The following BCKDHB variants were observed in gnomAD, a reference collection of about 807,000 sequenced individuals.
BCKDHB encodes the protein branched chain keto acid dehydrogenase E1 subunit beta, also known as 2-oxoisovalerate dehydrogenase subunit beta, mitochondrial.
In BCKDHB, 41 loss-of-function variants were observed where a neutral mutation model predicts 48.5. That is an observed-to-expected ratio of 0.85 (90% CI 0.66 to 1.10). BCKDHB has a LOEUF of 1.10. BCKDHB is among the 50% of genes least tolerant of loss of function. BCKDHB has a pLI of 0.00. For synonymous variants in BCKDHB, 201 were observed against 174.8 expected, an observed-to-expected ratio of 1.15 and a Z score of -1.18; for missense variants, 496 against 494.2, an observed-to-expected ratio of 1.00 and a Z score of -0.03.
intron 6 of BCKDHB, among the ~76,000 whole-genome samples, chr6:80,180,586 CTTGTA>C (rs1376456870): frequency 6.6e-6 from 1 of 152,062 alleles, no homozygotes; most frequent in Non-Finnish European, 1.5e-5. Flanking sequence ...GACTAAAATC[CTTGTA>C]TTGTTTGTCT....
At chr6:80,390,375 G>A in the BCKDHB span, among the ~76,000 whole-genome samples, 1 of 152,156 alleles carries the variant, frequency 6.6e-6, no homozygotes, top group Non-Finnish European at 1.5e-5. Context: ...AGGGAATACA[G>A]AATGGGTAGT....
chr6:80,282,691 A>G (rs1490525636), intron 9 of BCKDHB, among the ~76,000 whole-genome samples: 1 of 152,084 alleles, frequency 6.6e-6, no homozygotes, highest in Non-Finnish European at 1.5e-5. Context: ...AAAAGAAAAA[A>G]GAAAAAAACT....
In BCKDHB at chr6:80,106,896, C is replaced by A. The variant is rs753090498; in HGVS notation, c.196+7C>A. On this transcript the variant is annotated splice_region_variant and intron_variant, in intron 1 of 9. Coordinates refer to ENST00000320393, the MANE Select transcript of BCKDHB (RefSeq NM_183050.4). ...CCGGAGCCCCGGGAGTACGGTGAGC[C>A]CTGGGACTGCCCACTCGGTCCCGCT... is the stretch of plus-strand genomic sequence containing the variant. The A allele has an allele frequency of 1.9e-6, 3 of 1,599,716 alleles. No individual in the cohort carries two copies. Among genetic ancestry groups the A allele is most frequent in the Non-Finnish European group, 2.6e-6 (3 of 1,174,126 alleles).
At chr6:80,196,190 T>A (rs1774120733) in intron 6 of BCKDHB, among the ~76,000 whole-genome samples, 1 of 152,184 alleles carries the variant, frequency 6.6e-6, no homozygotes, top group Non-Finnish European at 1.5e-5. Context: ...AAGTGCTATC[T>A]AGGGACTTAG....
chr6:80,144,012 A>G (rs1771346748), intron 3 of BCKDHB, among the ~76,000 whole-genome samples: 3 of 152,156 alleles, frequency 2.0e-5, no homozygotes, highest in Admixed American at 2.0e-4. Context: ...GCCAAAAGGA[A>G]ACACACAAAC....
chr6:80,398,469 AAAC>A, the BCKDHB span, among the ~76,000 whole-genome samples: 1 of 152,020 alleles, frequency 6.6e-6, no homozygotes, highest in African/African-American at 2.4e-5. Context: ...ACAAACCAGA[AAAC>A]AAGAAGATAT....
intron 6 of BCKDHB, among the ~76,000 whole-genome samples, chr6:80,194,137 G>T (rs985657786): frequency 6.6e-6 from 1 of 152,076 alleles, no homozygotes; most frequent in African/African-American, 2.4e-5. Context: ...TTCTAATTTG[G>T]TATACTTTCT....
chr6:80,211,655 C>A (rs1039893482), intron 8 of BCKDHB, among the ~76,000 whole-genome samples: 3 of 152,182 alleles, frequency 2.0e-5, no homozygotes, highest in Non-Finnish European at 2.9e-5. Flanking sequence ...ACCCATCCAC[C>A]CTTTAGAAAA....
the BCKDHB span, among the ~76,000 whole-genome samples, chr6:80,455,997 G>A: frequency 1.4e-4 from 22 of 152,146 alleles, no homozygotes; most frequent in South Asian, 4.6e-3. Flanking sequence ...GGCTGAGGTG[G>A]GTGGATCAGG....
chr6:80,245,736 G>C (rs1475809059), intron 8 of BCKDHB, among the ~76,000 whole-genome samples: 1 of 152,106 alleles, frequency 6.6e-6, no homozygotes, highest in Admixed American at 6.6e-5. Context: ...TCTACTCTCT[G>C]TCAATTTGAA....
chr6:80,115,917 T>TATG (rs34242329), intron 1 of BCKDHB, among the ~76,000 whole-genome samples: 93,927 of 151,638 alleles, frequency 0.62, 29,332 homozygotes, highest in South Asian at 0.77. Context: ...TTCTAAGGAA[T>TATG]ATGAGGATGT....
At chr6:80,370,241 C>A in the BCKDHB span, among the ~76,000 whole-genome samples, 1 of 152,108 alleles carries the variant, frequency 6.6e-6, no homozygotes, top group Non-Finnish European at 1.5e-5. Context: ...AAGACCAGAT[C>A]TCTATGTGGA....
At chr6:80,456,922 G>A in the BCKDHB span, among the ~76,000 whole-genome samples, 4 of 152,134 alleles carry the variant, frequency 2.6e-5, no homozygotes, top group Non-Finnish European at 4.4e-5. Flanking sequence ...GAAAATATGA[G>A]TTCATTATGC....
At chr6:80,260,214 T>G (rs1582458363) in intron 8 of BCKDHB, among the ~76,000 whole-genome samples, 4 of 151,310 alleles carry the variant, frequency 2.6e-5, no homozygotes, top group African/African-American at 9.7e-5. Flanking sequence ...TAATGGTGGG[T>G]GTGTGTGTGT....
At chr6:80,246,067 C>A (rs1231838914) in intron 8 of BCKDHB, among the ~76,000 whole-genome samples, 3 of 152,076 alleles carry the variant, frequency 2.0e-5, no homozygotes, top group African/African-American at 7.2e-5. Flanking sequence ...CAGAGTGAGA[C>A]CCTATCTCAC....
intron 6 of BCKDHB, among the ~76,000 whole-genome samples, chr6:80,197,997 T>C (rs1373747185): frequency 3.9e-5 from 6 of 152,120 alleles, no homozygotes; most frequent in African/African-American, 1.4e-4. Flanking sequence ...CATCTATCCA[T>C]GCAATGAATA....
intron 5 of BCKDHB, among the ~76,000 whole-genome samples, chr6:80,171,069 T>C (rs1450177545): frequency 6.6e-6 from 1 of 152,112 alleles, no homozygotes; most frequent in African/African-American, 2.4e-5. Context: ...TAACAGAACA[T>C]GGTAGACATC....
chr6:80,413,947 AC>A, the BCKDHB span, among the ~76,000 whole-genome samples: 3 of 152,078 alleles, frequency 2.0e-5, no homozygotes, highest in Admixed American at 6.5e-5. Flanking sequence ...TTTCTCTGCA[AC>A]CTTGTCAGCA....
chr6:80,375,846 G>A, the BCKDHB span, among the ~76,000 whole-genome samples: 1 of 152,144 alleles, frequency 6.6e-6, no homozygotes. Context: ...TGGGGAGCTT[G>A]CTTGATGTGG....
Sources: gnomAD v4.1 joint callset for allele counts (sites outside exome capture counted in the v4.1 genomes callset) on GRCh38, gnomAD v4.1.1 for gene constraint, MANE v1.5 for transcripts, NCBI Gene and HGNC (gene_info 2026-07-23, HGNC 2026-07-21) for gene names.